YY1AP1: variants seen among roughly 807,000 people sequenced by gnomAD.
The protein encoded by YY1AP1 is YY1 associated protein 1, also known as YY1-associated protein 1.
In YY1AP1, 43 loss-of-function variants were observed where a neutral mutation model predicts 39.9. That is an observed-to-expected ratio of 1.08 (90% CI 0.84 to 1.39). The LOEUF (loss-of-function observed/expected upper bound fraction) is 1.39. YY1AP1 is among the 40% of genes most tolerant of loss of function. YY1AP1 has a pLI of 0.00. For missense variants in YY1AP1, 813 were observed against 900.7 expected, an observed-to-expected ratio of 0.90 and a Z score of 1.25; for synonymous variants, 292 against 331.3, an observed-to-expected ratio of 0.88 and a Z score of 1.29.
intron 7 of YY1AP1, chr1:155,670,675 C>CTTTTT: frequency 6.1e-6 from 2 of 325,996 alleles, no homozygotes; most frequent in Non-Finnish European, 1.1e-5. Context: ...TAAAAGTTGA[C>CTTTTT]TTTTTTTTTT....
intron 2 of YY1AP1, among the ~76,000 whole-genome samples, chr1:155,682,416 C>G (rs1427032735): frequency 6.6e-6 from 1 of 152,022 alleles, no homozygotes; most frequent in South Asian, 2.1e-4. Flanking sequence ...TTTTTTTCAA[C>G]AATCATTTTA....
At chr1:155,688,541 C>T in intron 1 of YY1AP1, 118 bp downstream of exon 1, 1 of 1,542,094 alleles carries the variant, frequency 6.5e-7, no homozygotes, top group Non-Finnish European at 8.7e-7. Flanking sequence ...CCACCACCTT[C>T]GGCCGTCCTG....
intron 9 of YY1AP1, among the ~76,000 whole-genome samples, chr1:155,662,930 G>A (rs965301892): frequency 3.3e-5 from 5 of 152,112 alleles, no homozygotes. Flanking sequence ...CTTGAACTGA[G>A]GAATTAAGAG....
intron 9 of YY1AP1, among the ~76,000 whole-genome samples, chr1:155,668,243 G>C (rs1649331297): frequency 6.6e-6 from 1 of 152,102 alleles, no homozygotes; most frequent in Non-Finnish European, 1.5e-5. Flanking sequence ...GGAAGCTGCA[G>C]TGAGCCAAGA....
chr1:155,671,112 C>G (rs1649796273), intron 7 of YY1AP1: 1 of 152,142 alleles, frequency 6.6e-6, no homozygotes, highest in African/African-American at 2.4e-5. Context: ...GATAACAGAC[C>G]TTCAACAATG....
Position 155,670,315 on chromosome 1 carries a change from C to T in YY1AP1, c.728+5G>A. 2.5e-6 allele frequency: 4 copies of T among 1,612,034 alleles called. No homozygotes were observed. The highest frequency in any genetic ancestry group is 3.4e-6 in the Non-Finnish European group (4 of 1,179,840). On this transcript the variant is annotated splice_donor_5th_base_variant and intron_variant, in intron 8 of 10. Coordinates refer to ENST00000355499, the MANE Select transcript of YY1AP1 (RefSeq NM_139119.3). ...GATATTTGATCCCCCAGAGTAAACACTTACTTGTCCTCAGCCTTGGTGAAG... is the reference window on the plus strand; with the variant it reads ...GATATTTGATCCCCCAGAGTAAACATTTACTTGTCCTCAGCCTTGGTGAAG...
At position 155,661,241 on chromosome 1, in the gene YY1AP1, T is replaced by C. The variant is rs1334770430; in HGVS notation, c.996+66A>G. Reference sequence around the variant, plus strand: ...AAGCATTAGACGATTAAGGAAGTCCTTGATATTCTCTCAGAACTTTCAGTG... The same window carrying C: ...AAGCATTAGACGATTAAGGAAGTCCCTGATATTCTCTCAGAACTTTCAGTG... On this transcript the variant is annotated intron_variant, in intron 10 of 10. Transcript: ENST00000355499. 25 of 1,613,862 alleles carry C rather than the reference T, an allele frequency of 1.5e-5. 2 individuals carry two copies. The highest frequency in any genetic ancestry group is 2.2e-5 in the South Asian group (2 of 91,082).
intron 9 of YY1AP1, among the ~76,000 whole-genome samples, chr1:155,663,510 G>A (rs1483935890): frequency 1.3e-5 from 2 of 152,080 alleles, no homozygotes; most frequent in Non-Finnish European, 2.9e-5. Flanking sequence ...CACGAGGTCA[G>A]GAGTTTGAGA....
At chr1:155,675,655 A>G (rs1363435878) in intron 5 of YY1AP1, among the ~76,000 whole-genome samples, 2 of 150,894 alleles carry the variant, frequency 1.3e-5, no homozygotes, top group Non-Finnish European at 3.0e-5. Context: ...ACAGAGTCTC[A>G]CTATGTTGTC....
At chr1:155,684,318 A>G (rs568286223) in intron 2 of YY1AP1, among the ~76,000 whole-genome samples, 1 of 152,324 alleles carries the variant, frequency 6.6e-6, no homozygotes, top group East Asian at 1.9e-4. Context: ...GAAATTGTAT[A>G]CACATACATG....
intron 4 of YY1AP1, among the ~76,000 whole-genome samples, chr1:155,677,551 A>G (rs1650886707): frequency 6.6e-6 from 1 of 152,238 alleles, no homozygotes; most frequent in Non-Finnish European, 1.5e-5. Flanking sequence ...AGTAGCTATA[A>G]CAAGCAGGTT....
chr1:155,674,042 T>C (rs1387537804), intron 6 of YY1AP1, among the ~76,000 whole-genome samples: 2 of 150,132 alleles, frequency 1.3e-5, no homozygotes, highest in Admixed American at 6.6e-5. Flanking sequence ...GTGCCTGTAG[T>C]CCCAGCTACT....
At chr1:155,670,196 G>A (rs759732372) in intron 8 of YY1AP1, 124 bp downstream of exon 8, 1 of 1,306,562 alleles carries the variant, frequency 7.7e-7, no homozygotes, top group South Asian at 1.2e-5. Flanking sequence ...AGAGGACTCT[G>A]CTCATCTATA....
chr1:155,688,526 A>T, intron 1 of YY1AP1, 133 bp downstream of exon 1: 1 of 1,543,780 alleles, frequency 6.5e-7, no homozygotes, highest in Non-Finnish European at 8.7e-7. Context: ...GGCTGCTCCC[A>T]CCAACCACCA....
At chr1:155,688,292 G>C (rs769324996) in intron 1 of YY1AP1, 91 bp from the exon 2 acceptor site, 14 of 1,576,966 alleles carry the variant, frequency 8.9e-6, no homozygotes, top group Non-Finnish European at 1.2e-5. Flanking sequence ...CACTGGGATC[G>C]TTTCCCCTCG....
intron 10 of YY1AP1, 37 bp downstream of exon 10, chr1:155,661,270 T>C (rs1361373781): frequency 6.2e-7 from 1 of 1,613,956 alleles, no homozygotes. Context: ...TTCAGTGACC[T>C]TCTGCCTCCT....
At chr1:155,663,849 G>A (rs1391389895) in intron 9 of YY1AP1, among the ~76,000 whole-genome samples, 1 of 152,164 alleles carries the variant, frequency 6.6e-6, no homozygotes, top group Non-Finnish European at 1.5e-5. Context: ...CCTGCATGCT[G>A]TCAGAGGTTG....
chr1:155,688,801 T>G (rs749575750), upstream of YY1AP1: 7 of 1,551,608 alleles, frequency 4.5e-6, no homozygotes, highest in Admixed American at 6.0e-5. Context: ...CCTCCCACAG[T>G]CCCCACCGCG....
Position 155,679,408 on chromosome 1 carries a change from C to T in YY1AP1, c.125+1G>A, listed in dbSNP as rs756339757. The T allele has an allele frequency of 1.2e-6, 2 of 1,614,140 alleles. No homozygotes were observed. Among genetic ancestry groups the T allele is most frequent in the Non-Finnish European group, 1.7e-6 (2 of 1,180,012 alleles). On this transcript the variant is annotated splice_donor_variant, in intron 4 of 10. Transcript: ENST00000355499. LOFTEE classifies it high-confidence loss of function. ...AATCTCAAGGTCTTCAACTAGCCTA[C>T]CGTAGAGCTTGAGGGGTGTTAAAGT...
Sources: gnomAD v4.1 joint callset for allele counts (sites outside exome capture counted in the v4.1 genomes callset) on GRCh38, gnomAD v4.1.1 for gene constraint, MANE v1.5 for transcripts, NCBI Gene and HGNC (gene_info 2026-07-23, HGNC 2026-07-21) for gene names.